Variants in ITSN1 observed in about 807,000 individuals in gnomAD.
ITSN1 encodes the protein intersectin-1.
Under a neutral mutation model 239.8 loss-of-function variants are expected in ITSN1, and 58 were observed. That is an observed-to-expected ratio of 0.24 (90% CI 0.20 to 0.30). The LOEUF is 0.30. Ranked by LOEUF, ITSN1 falls within the 10% of genes least tolerant of loss-of-function variation. ITSN1 has a pLI of 1.00. For missense variants in ITSN1, 1,558 were observed against 2,103.3 expected (o/e 0.74, Z 5.07); for synonymous variants, 780 against 770.8 (o/e 1.01, Z -0.20).
chr21:33,690,191 T>G (rs1396359516), intron 1 of ITSN1, among the ~76,000 whole-genome samples: 1 of 151,616 alleles, frequency 6.6e-6, no homozygotes, highest in Non-Finnish European at 1.5e-5. Context: ...GGCAGGAGAA[T>G]TGCTTGAACC....
At chr21:33,655,361 A>G (rs1014393130) in intron 1 of ITSN1, among the ~76,000 whole-genome samples, 2 of 152,158 alleles carry the variant, frequency 1.3e-5, no homozygotes, top group Admixed American at 1.3e-4. Context: ...GTACAGTATT[A>G]TGTGCATCTG....
chr21:33,775,255 G>C (rs1445037795), intron 14 of ITSN1, 147 bp downstream of exon 14: 4 of 769,298 alleles, frequency 5.2e-6, no homozygotes, highest in Non-Finnish European at 8.1e-6. Context: ...CAGGGTCCTT[G>C]TGTGAAAAGT....
At chr21:33,671,066 T>C (rs1273773666) in intron 1 of ITSN1, among the ~76,000 whole-genome samples, 2 of 152,202 alleles carry the variant, frequency 1.3e-5, no homozygotes, top group African/African-American at 4.8e-5. Flanking sequence ...CATGGGGTTT[T>C]CCCCTACATT....
chr21:33,814,088 G>T lies in ITSN1; in HGVS notation c.2727+16G>T. On this transcript the variant is annotated intron_variant, in intron 22 of 39. Transcript: ENST00000381318. ...GCTAGGCCAGGTAAAGGCAGCCAGT[G>T]AGAGTGTGAAGACTTAGCATGCTAT... The T allele has an allele frequency of 6.2e-7, 1 of 1,613,166 alleles. No individual in the cohort carries two copies. The highest frequency in any genetic ancestry group is 8.5e-7 in the Non-Finnish European group (1 of 1,179,498).
At chr21:33,656,745 CT>C (rs2089122662) in intron 1 of ITSN1, among the ~76,000 whole-genome samples, 1 of 152,176 alleles carries the variant, frequency 6.6e-6, no homozygotes, top group Non-Finnish European at 1.5e-5. Context: ...GAGTCTCACT[CT>C]ATCGCCCAGG....
chr21:33,866,342 T>C (rs934620488), intron 32 of ITSN1, among the ~76,000 whole-genome samples: 3 of 152,226 alleles, frequency 2.0e-5, no homozygotes, highest in African/African-American at 7.2e-5. Flanking sequence ...GAGCAGATGC[T>C]GAGCTGCTGG....
chr21:33,686,052 A>G (rs184025127), intron 1 of ITSN1, among the ~76,000 whole-genome samples: 2 of 152,344 alleles, frequency 1.3e-5, no homozygotes, highest in Admixed American at 6.5e-5. Context: ...CTTTATTACA[A>G]CTTAGAAGGT....
At chr21:33,716,807 C>T (rs1268348929) in intron 1 of ITSN1, among the ~76,000 whole-genome samples, 3 of 151,604 alleles carry the variant, frequency 2.0e-5, no homozygotes, top group East Asian at 3.9e-4. Flanking sequence ...CAAAAATTAG[C>T]CGGGCATGGT....
intron 29 of ITSN1, among the ~76,000 whole-genome samples, chr21:33,839,713 A>G (rs2148424479): frequency 6.6e-6 from 1 of 152,226 alleles, no homozygotes; most frequent in South Asian, 2.1e-4. Flanking sequence ...CCACGCCCTC[A>G]CTGTAGGCCA....
At chr21:33,731,717 G>A (rs942612936) in intron 4 of ITSN1, among the ~76,000 whole-genome samples, 1 of 152,122 alleles carries the variant, frequency 6.6e-6, no homozygotes, top group African/African-American at 2.4e-5. Context: ...ACTTGTGATC[G>A]GATTGGTAAT....
At chr21:33,840,696 C>T (rs1156693414) in intron 29 of ITSN1, among the ~76,000 whole-genome samples, 2 of 152,162 alleles carry the variant, frequency 1.3e-5, no homozygotes, top group Admixed American at 1.3e-4. Flanking sequence ...TGGGGTTTCA[C>T]CATGTTGGCC....
At chr21:33,793,658 G>A (rs995108879) in intron 16 of ITSN1, among the ~76,000 whole-genome samples, 1 of 152,184 alleles carries the variant, frequency 6.6e-6, no homozygotes, top group African/African-American at 2.4e-5. Flanking sequence ...GTAGTATCAA[G>A]TGAGGAAATT....
chr21:33,735,245 A>G (rs940770146), intron 5 of ITSN1, 41 bp downstream of exon 5: 19 of 1,580,424 alleles, frequency 1.2e-5, no homozygotes, highest in Admixed American at 1.7e-5. Flanking sequence ...TTTCTTGTAT[A>G]TTTTAAAAAT....
intron 30 of ITSN1, among the ~76,000 whole-genome samples, chr21:33,857,146 G>T (rs1171511839): frequency 1.3e-5 from 2 of 152,194 alleles, no homozygotes; most frequent in African/African-American, 4.8e-5. Flanking sequence ...AGAGTCTGGA[G>T]TCCACGCTCT....
intron 20 of ITSN1, among the ~76,000 whole-genome samples, chr21:33,804,163 A>G (rs1461486436): frequency 6.6e-6 from 1 of 152,220 alleles, no homozygotes; most frequent in African/African-American, 2.4e-5. Context: ...CAGATTCCTC[A>G]AACGTCTTTG....
chr21:33,818,204 G>A (rs548769611), intron 22 of ITSN1, 63 bp from the exon 23 acceptor site: 12 of 1,399,452 alleles, frequency 8.6e-6, no homozygotes, highest in East Asian at 4.6e-5. Flanking sequence ...CCATGCTCAC[G>A]TCTGCCCTAA....
At chr21:33,811,426 T>C (rs186978831) in intron 21 of ITSN1, among the ~76,000 whole-genome samples, 23 of 152,346 alleles carry the variant, frequency 1.5e-4, no homozygotes, top group Admixed American at 5.2e-4. Context: ...TAACAGTGAC[T>C]TACCATGGTA....
chr21:33,756,560 T>A lies in ITSN1; in HGVS notation c.724+1163T>A, dbSNP rs190645241. On this transcript the variant is annotated intron_variant, in intron 8 of 39. Coordinates refer to ENST00000381318, the MANE Select transcript of ITSN1 (RefSeq NM_003024.3). ...TTTTACTCCCAAAAGAAAAAAGGTA[T>A]CTTATGTTTAAAAATGTCAGAGTTG... Among the ~76,000 whole-genome samples the A allele has an allele frequency of 1.9e-3, 293 of 152,250 alleles. 1 individual carries two copies. Among genetic ancestry groups the A allele is most frequent in the South Asian group, 0.017 (84 of 4,812 alleles).
intron 4 of ITSN1, 141 bp downstream of exon 4, chr21:33,722,792 CAG>C (rs2065579840): frequency 1.3e-6 from 1 of 798,546 alleles, no homozygotes; most frequent in African/African-American, 1.8e-5. Context: ...TACTTCTTAC[CAG>C]AGAGTTATGT....
Sources: gnomAD v4.1 joint callset for allele counts (sites outside exome capture counted in the v4.1 genomes callset) on GRCh38, gnomAD v4.1.1 for gene constraint, MANE v1.5 for transcripts, NCBI Gene and HGNC (gene_info 2026-07-23, HGNC 2026-07-21) for gene names.